Variants in AK5 observed in about 807,000 individuals in gnomAD.
AK5 encodes adenylate kinase isoenzyme 5.
Under a neutral mutation model 69.5 loss-of-function variants are expected in AK5, and 27 were observed. The observed-to-expected ratio is 0.39, with a 90% CI of 0.29 to 0.54. The LOEUF (loss-of-function observed/expected upper bound fraction) is 0.54, where lower values mean the gene tolerates loss of function less well. Ranked by LOEUF, AK5 falls within the 20% of genes least tolerant of loss-of-function variation. The pLI is 0.71. For synonymous variants in AK5, 260 were observed against 244.4 expected, an observed-to-expected ratio of 1.06 and a Z score of -0.60; for missense variants, 531 against 700.4, an observed-to-expected ratio of 0.76 and a Z score of 2.73.
Position 77,455,274 on chromosome 1 carries a change from T to A in AK5, c.1060-28043T>A, listed in dbSNP as rs146138878. ...ACCTGTTGAAACCTAATCACCAATA[T>A]GACCGTGTTGGGAAGTAAGGCCTTT... On this transcript the variant is annotated intron_variant, in intron 8 of 13. Coordinates refer to ENST00000354567, the MANE Select transcript of AK5 (RefSeq NM_174858.3). Among the ~76,000 whole-genome samples the A allele has an allele frequency of 2.4e-4, 36 of 152,310 alleles. No individual in the cohort carries two copies. In the East Asian group the frequency reaches 6.8e-3, roughly 29 times the overall value.
intron 6 of AK5, among the ~76,000 whole-genome samples, chr1:77,376,333 G>A (rs1197649784): frequency 6.8e-6 from 1 of 148,082 alleles, no homozygotes; most frequent in Non-Finnish European, 1.5e-5. Flanking sequence ...AGACTCTGAT[G>A]GTGTTTACTT....
intron 8 of AK5, among the ~76,000 whole-genome samples, chr1:77,467,466 A>G (rs1654213812): frequency 6.6e-6 from 1 of 152,238 alleles, no homozygotes. Context: ...GATGATTTGG[A>G]AATGTGCCTT....
At position 77,486,342 on chromosome 1, in the gene AK5, T is replaced by C. The variant is rs1185045936; in HGVS notation, c.1137T>C (p.Ile379=). 2.7e-5 allele frequency: 43 copies of C among 1,580,156 alleles called. No individual in the cohort carries two copies. Among genetic ancestry groups the C allele is most frequent in the Non-Finnish European group, 3.7e-5 (43 of 1,152,506 alleles). Residue 379 remains isoleucine (I), a synonymous_variant, in exon 10 of 14, where the codon ATT becomes ATC. Coordinates refer to ENST00000354567, the MANE Select transcript of AK5 (RefSeq NM_174858.3). ...FMEDLRKCKI[I]FIIGGPGSGK... is the part of the protein sequence containing the mutation. ...AAGATTTGAGAAAGTGTAAAATTAT[T>C]TTCATAATTGGTGAGTAACAGCCCT... is the stretch of plus-strand genomic sequence containing the variant.
intron 12 of AK5, among the ~76,000 whole-genome samples, chr1:77,522,702 A>C (rs906826685): frequency 4.0e-5 from 6 of 151,618 alleles, no homozygotes; most frequent in Admixed American, 1.3e-4. Flanking sequence ...TATTGAACCC[A>C]CTCTGGGCCA....
At chr1:77,439,883 A>C (rs1246959644) in intron 8 of AK5, among the ~76,000 whole-genome samples, 2 of 149,642 alleles carry the variant, frequency 1.3e-5, no homozygotes, top group African/African-American at 5.0e-5. Context: ...TTGATTCCAT[A>C]TCTTTGTTAT....
chr1:77,385,064 G>A (rs1647911598), intron 6 of AK5, among the ~76,000 whole-genome samples: 1 of 152,162 alleles, frequency 6.6e-6, no homozygotes, highest in Admixed American at 6.5e-5. Context: ...AGATGCTCAG[G>A]ACAGGGCAGT....
intron 6 of AK5, among the ~76,000 whole-genome samples, chr1:77,404,379 G>A (rs1649472371): frequency 1.3e-5 from 2 of 151,984 alleles, no homozygotes; most frequent in South Asian, 2.1e-4. Context: ...TTTCCTTGGG[G>A]GAGTGGGGAT....
intron 5 of AK5, among the ~76,000 whole-genome samples, chr1:77,339,585 CT>C (rs1483711354): frequency 6.6e-6 from 1 of 151,840 alleles, no homozygotes; most frequent in Non-Finnish European, 1.5e-5. Context: ...AGAGCCTCAG[CT>C]CATCTATGAA....
intron 5 of AK5, among the ~76,000 whole-genome samples, chr1:77,304,140 C>T (rs1659497213): frequency 6.6e-6 from 1 of 152,140 alleles, no homozygotes; most frequent in African/African-American, 2.4e-5. Flanking sequence ...ATCTCTGCCT[C>T]CACCCCCCGA....
At chr1:77,436,578 T>C (rs1014016906) in intron 8 of AK5, among the ~76,000 whole-genome samples, 1 of 151,878 alleles carries the variant, frequency 6.6e-6, no homozygotes, top group Non-Finnish European at 1.5e-5. Flanking sequence ...TGTTTCAATA[T>C]TTTATCTTAT....
At chr1:77,402,985 A>G (rs1254153797) in intron 6 of AK5, among the ~76,000 whole-genome samples, 2 of 152,050 alleles carry the variant, frequency 1.3e-5, no homozygotes, top group Non-Finnish European at 2.9e-5. Flanking sequence ...AATGATTGCC[A>G]TTCTAACTGG....
intron 6 of AK5, among the ~76,000 whole-genome samples, chr1:77,410,296 G>C (rs1474976923): frequency 6.6e-6 from 1 of 151,492 alleles, no homozygotes; most frequent in Non-Finnish European, 1.5e-5. Context: ...GTTGTTTTTG[G>C]AGACAGAGTC....
chr1:77,429,393 A>G (rs1476412795), intron 8 of AK5, among the ~76,000 whole-genome samples: 1 of 152,114 alleles, frequency 6.6e-6, no homozygotes, highest in Non-Finnish European at 1.5e-5. Flanking sequence ...GGCTGCATAA[A>G]TGTCTTCTTT....
intron 6 of AK5, among the ~76,000 whole-genome samples, chr1:77,390,995 A>T (rs926987233): frequency 6.6e-6 from 1 of 152,204 alleles, no homozygotes; most frequent in Non-Finnish European, 1.5e-5. Flanking sequence ...CAAAATTATT[A>T]TCAAAATAAT....
chr1:77,350,611 C>A (rs1662140754), intron 6 of AK5, among the ~76,000 whole-genome samples: 1 of 152,300 alleles, frequency 6.6e-6, no homozygotes, highest in South Asian at 2.1e-4. Flanking sequence ...CAAGGTTTTA[C>A]TTCTCCATAT....
At chr1:77,496,758 A>G (rs1387471701) in intron 10 of AK5, among the ~76,000 whole-genome samples, 2 of 152,002 alleles carry the variant, frequency 1.3e-5, no homozygotes, top group Non-Finnish European at 2.9e-5. Flanking sequence ...ACCAATCAGC[A>G]CTCTGTGTCT....
rs1660339377 is a variant in AK5, at chr1:77,559,697, G to GTGTT, written c.*1029_*1032dup. The GTGTT allele has an allele frequency of 6.6e-6, 1 of 152,164 alleles. No homozygotes were observed. Among genetic ancestry groups the GTGTT allele is most frequent in the Non-Finnish European group, 1.5e-5 (1 of 68,040 alleles). 9.4% of individuals were successfully genotyped at this position (152,164 alleles called of 1,614,324 possible). On this transcript the variant is annotated 3_prime_UTR_variant, in exon 14 of 14. Transcript: ENST00000354567. The stretch of plus-strand genomic sequence containing the variant: ...CCTTGTCATACCCATATGCAAAACT[G>GTGTT]TGTTTCCTTGCATTAAACCAGTGAA...
intron 8 of AK5, among the ~76,000 whole-genome samples, chr1:77,482,918 C>A (rs903190966): frequency 3.4e-5 from 5 of 145,336 alleles, no homozygotes; most frequent in Admixed American, 2.1e-4. Context: ...TCACACCTAC[C>A]ACTAAGCTTC....
intron 6 of AK5, among the ~76,000 whole-genome samples, chr1:77,375,331 G>A (rs1178616427): frequency 2.0e-5 from 3 of 152,194 alleles, no homozygotes; most frequent in Non-Finnish European, 4.4e-5. Flanking sequence ...GTTGAGGCAG[G>A]TGAACAATTT....
Sources: gnomAD v4.1 joint callset for allele counts (sites outside exome capture counted in the v4.1 genomes callset) on GRCh38, gnomAD v4.1.1 for gene constraint, MANE v1.5 for transcripts, NCBI Gene and HGNC (gene_info 2026-07-23, HGNC 2026-07-21) for gene names.